The following CD99L2 variants were observed in gnomAD, a reference collection of about 807,000 sequenced individuals.
The protein encoded by CD99L2 is CD99 molecule like 2, also known as CD99 antigen-like protein 2.
CD99L2 carries 24 observed loss-of-function variants against 27.3 expected under a neutral mutation model. The ratio of observed to expected loss-of-function variants is 0.88; its 90% confidence interval spans 0.64 to 1.24. The LOEUF (loss-of-function observed/expected upper bound fraction) is 1.24. Ranked by LOEUF, CD99L2 falls within the 50% of genes most tolerant of loss-of-function variation. CD99L2 has a pLI of 0.00. For missense variants in CD99L2, 255 were observed against 221.6 expected (o/e 1.15, Z -0.96); for synonymous variants, 97 against 87.9 (o/e 1.10, Z -0.58).
At chrX:150,783,397 C>T (rs782755312) in intron 7 of CD99L2, among the ~76,000 whole-genome samples, 89 of 111,272 alleles carry the variant, frequency 8.0e-4, no homozygotes, top group Non-Finnish European at 1.3e-3. Flanking sequence ...TAGTCAGTAC[C>T]GTCCCCTTTA....
intron 2 of CD99L2, among the ~76,000 whole-genome samples, chrX:150,822,816 T>A (rs1461589410): frequency 8.9e-6 from 1 of 112,273 alleles, no homozygotes; most frequent in East Asian, 2.8e-4. Context: ...TTTACCTCAA[T>A]AAATTATTTT....
At chrX:150,799,886 A>G (rs1436238147) in intron 4 of CD99L2, among the ~76,000 whole-genome samples, 5 of 111,930 alleles carry the variant, frequency 4.5e-5, no homozygotes, top group African/African-American at 6.5e-5. Flanking sequence ...GTCCATACCC[A>G]TATGAATTGA....
chrX:150,768,654 G>T lies in CD99L2; in HGVS notation c.*380C>A, dbSNP rs781978226. The T allele has an allele frequency of 9.3e-5, 17 of 183,021 alleles. No homozygotes were observed. In the East Asian group the frequency reaches 1.7e-3, roughly 19 times the overall value. 15.1% of individuals were successfully genotyped at this position (183,021 alleles called of 1,213,427 possible). ...CAATGAGCCACTCCAGTGTGCAGGG[G>T]TCACAGTCCCTTGAGTTCAAACTCT... On this transcript the variant is annotated 3_prime_UTR_variant, in exon 11 of 11. Transcript: ENST00000370377.
chrX:150,795,288 T>C lies in CD99L2; in HGVS notation c.348A>G (p.Gly116=). The change falls in exon 6 of 11, where the codon GGA becomes GGG. Residue 116 remains glycine, a splice_region_variant and synonymous_variant. Coordinates refer to ENST00000370377, the MANE Select transcript of CD99L2 (RefSeq NM_031462.4). ...GGGCATCAGCCAAGTCAAAATCATT[T>C]CCTTCATGGGGTCCCAAAATAAAAG... ...VTTRAPANTL[G]NDFDLADALD... 1 of 1,211,699 alleles carries C rather than the reference T, an allele frequency of 8.3e-7. No individual in the cohort carries two copies. Among genetic ancestry groups the C allele is most frequent in the East Asian group, 3.0e-5 (1 of 33,848 alleles).
chrX:150,768,957 G>T lies in CD99L2; in HGVS notation c.*77C>A. ...GGCACAGAGCAGCACAGCAGCTGCG[G>T]GTCCAAATGAAGGGGTGGGGGGAGC... On this transcript the variant is annotated 3_prime_UTR_variant, in exon 11 of 11. Coordinates refer to ENST00000370377, the MANE Select transcript of CD99L2 (RefSeq NM_031462.4). The T allele has an allele frequency of 9.1e-7, 1 of 1,100,917 alleles. No homozygotes were observed. The highest frequency in any genetic ancestry group is 1.2e-6 in the Non-Finnish European group (1 of 852,245). 90.7% of individuals were successfully genotyped at this position (1,100,917 alleles called of 1,213,427 possible).
chrX:150,873,770 G>A (rs1261828346), intron 1 of CD99L2, among the ~76,000 whole-genome samples: 1 of 111,109 alleles, frequency 9.0e-6, no homozygotes, highest in Admixed American at 9.6e-5. Context: ...CATGAGATGG[G>A]GAAGAGATGA....
chrX:150,824,440 GAAGA>G lies in CD99L2; in HGVS notation c.130+6787_130+6790del, dbSNP rs782712498. ...AAGAAGAAAAGAGAAGAAGAAGAAA[GAAGA>G]AAGAAGAAGAAGAAAGAAGAAAGAA... On this transcript the variant is annotated intron_variant, in intron 2 of 10. Coordinates refer to ENST00000370377, the MANE Select transcript of CD99L2 (RefSeq NM_031462.4). 5.2e-3 allele frequency among the ~76,000 whole-genome samples: 419 copies of G among 79,999 alleles called. 7 individuals carry two copies. Among genetic ancestry groups the G allele is most frequent in the Non-Finnish European group, 7.6e-3 (294 of 38,773 alleles). 69.5% of individuals were successfully genotyped at this position (79,999 alleles called of 115,157 possible).
In CD99L2 at chrX:150,795,476, G is replaced by A; in HGVS notation, c.288C>T (p.Asn96=). The A allele has an allele frequency of 8.3e-7, 1 of 1,210,827 alleles. No individual in the cohort carries two copies. The highest frequency in any genetic ancestry group is 1.1e-6 in the Non-Finnish European group (1 of 895,180). The stretch of plus-strand genomic sequence containing the variant: ...GCCTCTTGGTCGTGGTGGTTACATG[G>A]TTCCATCTCTCTAAAAGGGGAAGGG... ...KPGIGGRERW[N]HVTTTTKRPV... Residue 96 remains asparagine (N), a synonymous_variant, in exon 5 of 11, where the codon AAC becomes AAT. Transcript: ENST00000370377.
intron 2 of CD99L2, chrX:150,819,195 G>A (rs782419457): frequency 2.7e-6 from 1 of 368,141 alleles, no homozygotes; most frequent in South Asian, 2.5e-5. Context: ...TTGGGTCCAG[G>A]AATGGCAAGA....
chrX:150,786,927 TC>T (rs1312743441), intron 7 of CD99L2, among the ~76,000 whole-genome samples: 3 of 112,333 alleles, frequency 2.7e-5, no homozygotes, highest in Non-Finnish European at 5.6e-5. Context: ...TGAGAAGGTA[TC>T]TCATTGTGGT....
intron 10 of CD99L2, among the ~76,000 whole-genome samples, chrX:150,769,636 T>C (rs186629945): frequency 1.0e-4 from 11 of 108,762 alleles, no homozygotes; most frequent in African/African-American, 3.4e-4. Flanking sequence ...GCACTGTAGT[T>C]CCACTGGCAA....
chrX:150,898,645 G>C lies in CD99L2; in HGVS notation c.-57C>G, dbSNP rs1284587809. On this transcript the variant is annotated 5_prime_UTR_variant, in exon 1 of 11. Coordinates refer to ENST00000370377, the MANE Select transcript of CD99L2 (RefSeq NM_031462.4). Reference sequence around the variant, plus strand: ...CACAGTTAGCGCGAGAGCGCCCGAAGGGGAGGCCGAGGAGGAGCGGGAGGA... The same window carrying C: ...CACAGTTAGCGCGAGAGCGCCCGAACGGGAGGCCGAGGAGGAGCGGGAGGA... 2.9e-6 allele frequency: 3 copies of C among 1,025,528 alleles called. No homozygotes were observed. In the South Asian group the frequency reaches 7.0e-5, roughly 24 times the overall value. 84.5% of individuals were successfully genotyped at this position (1,025,528 alleles called of 1,213,427 possible).
At chrX:150,862,551 T>C (rs782042154) in intron 1 of CD99L2, among the ~76,000 whole-genome samples, 5 of 112,412 alleles carry the variant, frequency 4.4e-5, no homozygotes, top group East Asian at 2.8e-4. Flanking sequence ...AGTGAGACCC[T>C]TGTCAGCCTT....
At chrX:150,816,221 A>C in intron 2 of CD99L2, 143 bp from the exon 3 acceptor site, 1 of 523,412 alleles carries the variant, frequency 1.9e-6, no homozygotes, top group South Asian at 2.9e-5. Flanking sequence ...GCTCCAGAGA[A>C]TCACACTGAA....
At chrX:150,801,493 A>G (rs1382587168) in intron 4 of CD99L2, among the ~76,000 whole-genome samples, 3 of 111,679 alleles carry the variant, frequency 2.7e-5, no homozygotes, top group Non-Finnish European at 3.8e-5. Flanking sequence ...TATCGTGAGA[A>G]CAGCATGGGG....
Position 150,768,819 on chromosome X carries a change from G to T in CD99L2, c.*215C>A. 2 of 873,796 alleles carry T rather than the reference G, an allele frequency of 2.3e-6. No individual in the cohort carries two copies. The highest frequency in any genetic ancestry group is 2.9e-6 in the Non-Finnish European group (2 of 686,698). The allele number at this position is 873,796 out of a possible 1,213,427, so 72.0% of individuals were successfully genotyped here. Reference sequence around the variant, plus strand: ...AGGCTGGTGCTGGCTTTCTATCAGAGCTGGCTCTTGAATTTCGGCACCAAG... The same window carrying T: ...AGGCTGGTGCTGGCTTTCTATCAGATCTGGCTCTTGAATTTCGGCACCAAG... On this transcript the variant is annotated 3_prime_UTR_variant, in exon 11 of 11. Transcript: ENST00000370377.
At chrX:150,866,539 C>G (rs782046391) in intron 1 of CD99L2, among the ~76,000 whole-genome samples, 9 of 107,878 alleles carry the variant, frequency 8.3e-5, no homozygotes, top group Non-Finnish European at 1.3e-4. Context: ...TCAAGAACAG[C>G]CTAAGCAAAA....
At chrX:150,779,695 C>T (rs947331623) in intron 7 of CD99L2, among the ~76,000 whole-genome samples, 11 of 112,377 alleles carry the variant, frequency 9.8e-5, no homozygotes, top group Admixed American at 2.8e-4. Context: ...TTACCCAACC[C>T]AATACCATCC....
chrX:150,779,449 A>T (rs2045473927), intron 7 of CD99L2, among the ~76,000 whole-genome samples: 1 of 112,482 alleles, frequency 8.9e-6, no homozygotes, highest in African/African-American at 3.2e-5. Flanking sequence ...GCTAAGAAAC[A>T]TCTGGAAGAA....
Sources: gnomAD v4.1 joint callset for allele counts (sites outside exome capture counted in the v4.1 genomes callset) on GRCh38, gnomAD v4.1.1 for gene constraint, MANE v1.5 for transcripts, NCBI Gene and HGNC (gene_info 2026-07-23, HGNC 2026-07-21) for gene names.